The following EHHADH variants were observed in gnomAD, a reference collection of about 807,000 sequenced individuals.
EHHADH encodes the protein enoyl-CoA hydratase and 3-hydroxyacyl CoA dehydrogenase.
Under a neutral mutation model 64.4 loss-of-function variants are expected in EHHADH, and 48 were observed. The observed-to-expected ratio is 0.75, with a 90% CI of 0.59 to 0.95. EHHADH has a LOEUF of 0.95. Among genes scored for constraint, EHHADH ranks in the 40% least tolerant of loss-of-function variants. EHHADH has a pLI of 0.00. For missense variants in EHHADH, 854 were observed against 876.6 expected (o/e 0.97, Z 0.33); for synonymous variants, 308 against 326.7 (o/e 0.94, Z 0.62).
chr3:185,230,456 G>T (rs1484011754), intron 3 of EHHADH, among the ~76,000 whole-genome samples: 2 of 152,170 alleles, frequency 1.3e-5, no homozygotes, highest in Admixed American at 6.6e-5. Context: ...ATGAAAGGTA[G>T]TACATCCATA....
chr3:185,204,472 G>A lies in EHHADH; in HGVS notation c.854C>T (p.Ser285Phe). The A allele has an allele frequency of 6.2e-7, 1 of 1,613,934 alleles. No homozygotes were observed. The highest frequency in any genetic ancestry group is 8.5e-7 in the Non-Finnish European group (1 of 1,179,964). The change falls in exon 6 of 7, where the codon TCC (serine) becomes TTC (phenylalanine). Residue 285 changes from serine to phenylalanine, a missense_variant. Coordinates refer to ENST00000231887, the MANE Select transcript of EHHADH (RefSeq NM_001966.4). ...ERKANKWSTP[S>F]GASWKTASAR... Reference sequence around the variant, plus strand: ...TGATGCTGTTTTCCACGATGCTCCGGAGGGAGTTGACCACTTATTTGCTTT... The same window carrying A: ...TGATGCTGTTTTCCACGATGCTCCGAAGGGAGTTGACCACTTATTTGCTTT...
Position 185,192,012 on chromosome 3 carries a change from G to A in EHHADH, c.*214C>T. 1 of 559,360 alleles carries A rather than the reference G, an allele frequency of 1.8e-6. No homozygotes were observed. The highest frequency in any genetic ancestry group is 3.1e-6 in the Non-Finnish European group (1 of 323,154). The allele number at this position is 559,360 out of a possible 1,614,324, so 34.6% of individuals were successfully genotyped here. On this transcript the variant is annotated 3_prime_UTR_variant, in exon 7 of 7. Transcript: ENST00000231887. ...TGGTATTATATTCACACAAGTTCAT[G>A]CATTGAATTTATCTGATAAGGACAG...
chr3:185,207,162 C>T (rs1342891339), intron 5 of EHHADH, among the ~76,000 whole-genome samples: 1 of 151,872 alleles, frequency 6.6e-6, no homozygotes, highest in African/African-American at 2.4e-5. Flanking sequence ...TGGTGGCGCA[C>T]CCCTGTGGTC....
In EHHADH at chr3:185,192,198, C is replaced by T. The variant is rs1717888556; in HGVS notation, c.*28G>A. On this transcript the variant is annotated 3_prime_UTR_variant, in exon 7 of 7. Coordinates refer to ENST00000231887, the MANE Select transcript of EHHADH (RefSeq NM_001966.4). ...TTCAGTCAGCATTACCTGATGCTAGCATGTGAGGCATAATCTGGAAGACTG... is the reference window on the plus strand; with the variant it reads ...TTCAGTCAGCATTACCTGATGCTAGTATGTGAGGCATAATCTGGAAGACTG... 1 of 1,589,230 alleles carries T rather than the reference C, an allele frequency of 6.3e-7. No individual in the cohort carries two copies. The highest frequency in any genetic ancestry group is 1.8e-5 in the Admixed American group (1 of 57,028).
chr3:185,247,567 A>G (rs1204668229), intron 2 of EHHADH, among the ~76,000 whole-genome samples: 1 of 152,028 alleles, frequency 6.6e-6, no homozygotes. Flanking sequence ...TATTTAATAA[A>G]TAACCTACAT....
At chr3:185,198,579 T>C (rs1718136438) in intron 6 of EHHADH, among the ~76,000 whole-genome samples, 1 of 151,616 alleles carries the variant, frequency 6.6e-6, no homozygotes, top group South Asian at 2.1e-4. Context: ...CCAGGCACAG[T>C]GGCTCATGCC....
intron 5 of EHHADH, among the ~76,000 whole-genome samples, chr3:185,210,513 C>G (rs1373920001): frequency 6.6e-6 from 1 of 151,652 alleles, no homozygotes; most frequent in Non-Finnish European, 1.5e-5. Context: ...TGCCTGTAGT[C>G]TCAGCTACTA....
intron 6 of EHHADH, among the ~76,000 whole-genome samples, chr3:185,194,609 T>TAAC (rs35024076): frequency 0.17 from 24,501 of 144,254 alleles, 2,201 homozygotes; most frequent in East Asian, 0.35. Context: ...TGAAACTCTG[T>TAAC]AACAACAACA....
chr3:185,219,559 T>G (rs189260025), intron 4 of EHHADH, among the ~76,000 whole-genome samples: 1 of 152,360 alleles, frequency 6.6e-6, no homozygotes, highest in East Asian at 1.9e-4. Flanking sequence ...TAAATTTGCC[T>G]TGACAGTTCT....
chr3:185,235,221 A>C (rs951551559), intron 3 of EHHADH, 69 bp downstream of exon 3: 7 of 1,383,072 alleles, frequency 5.1e-6, no homozygotes, highest in Non-Finnish European at 6.8e-6. Context: ...GATACTTATG[A>C]CTACATTTAG....
chr3:185,248,708 T>C (rs376981774), intron 1 of EHHADH, among the ~76,000 whole-genome samples, 191 bp from the exon 2 acceptor site: 1 of 152,216 alleles, frequency 6.6e-6, no homozygotes, highest in East Asian at 1.9e-4. Flanking sequence ...AAATAATATA[T>C]ATGCCTATGA....
At chr3:185,236,782 G>A (rs934768203) in intron 2 of EHHADH, among the ~76,000 whole-genome samples, 1 of 152,016 alleles carries the variant, frequency 6.6e-6, no homozygotes, top group African/African-American at 2.4e-5. Context: ...TTCAATCCAA[G>A]TCTCAAGCCT....
chr3:185,252,335 G>A (rs1305384663), intron 1 of EHHADH, among the ~76,000 whole-genome samples: 11 of 152,000 alleles, frequency 7.2e-5, no homozygotes, highest in Non-Finnish European at 1.3e-4. Flanking sequence ...GGGAGGCAGA[G>A]GTTGCAGTGA....
At position 185,246,892 on chromosome 3, in the gene EHHADH, A is replaced by G. The variant is rs531000307; in HGVS notation, c.178+1522T>C. Among the ~76,000 whole-genome samples, 7 of 152,150 alleles carry G rather than the reference A, an allele frequency of 4.6e-5. No homozygotes were observed. In the South Asian group the frequency reaches 6.2e-4, roughly 14 times the overall value. ...TATTTTTAAAGCTATAAATTTTCTG[A>G]TAAGTTTTACTTTAGCTGCATCCCT... On this transcript the variant is annotated intron_variant, in intron 2 of 6. Transcript: ENST00000231887.
chr3:185,201,399 G>A (rs1389062731), intron 6 of EHHADH, among the ~76,000 whole-genome samples: 1 of 152,186 alleles, frequency 6.6e-6, no homozygotes, highest in Non-Finnish European at 1.5e-5. Context: ...CCACAGTGCA[G>A]GACCACAAAG....
chr3:185,244,595 C>T (rs757580101), intron 2 of EHHADH, among the ~76,000 whole-genome samples: 39 of 152,046 alleles, frequency 2.6e-4, no homozygotes, highest in Non-Finnish European at 4.4e-4. Flanking sequence ...AGAAGGTCTT[C>T]GCAGATGTTA....
At chr3:185,213,978 C>T (rs1023111818) in intron 5 of EHHADH, among the ~76,000 whole-genome samples, 1 of 151,162 alleles carries the variant, frequency 6.6e-6, no homozygotes, top group African/African-American at 2.4e-5. Context: ...AAATGAAAGG[C>T]AAATAAATAG....
At chr3:185,238,302 GCT>G (rs780323882) in intron 2 of EHHADH, among the ~76,000 whole-genome samples, 1 of 152,108 alleles carries the variant, frequency 6.6e-6, no homozygotes, top group Non-Finnish European at 1.5e-5. Context: ...TCAAATGATA[GCT>G]CTGTTTTTAA....
intron 5 of EHHADH, 47 bp from the exon 6 acceptor site, chr3:185,204,804 AAAGGG>A: frequency 6.8e-7 from 1 of 1,462,672 alleles, no homozygotes; most frequent in Non-Finnish European, 9.3e-7. Context: ...TTACTTGTAC[AAAGGG>A]AATGTGAATA....
Sources: allele counts gnomAD v4.1 joint callset (sites outside exome capture counted in the v4.1 genomes callset), GRCh38; gene constraint gnomAD v4.1.1; transcripts MANE v1.5; gene names NCBI Gene and HGNC (gene_info 2026-07-23, HGNC 2026-07-21).